SEMA4C: variants seen among roughly 807,000 people sequenced by gnomAD.
SEMA4C encodes the protein semaphorin 4C.
Under a neutral mutation model 89.0 loss-of-function variants are expected in SEMA4C, and 19 were observed. That is an observed-to-expected ratio of 0.21 (90% CI 0.15 to 0.31). The LOEUF (loss-of-function observed/expected upper bound fraction) is 0.31, where lower values mean the gene tolerates loss of function less well. Among genes scored for constraint, SEMA4C ranks in the 10% least tolerant of loss-of-function variants. The probability of loss-of-function intolerance (pLI) is 1.00; values close to 1 mark genes in which losing one functional copy is unlikely to be tolerated. For synonymous variants in SEMA4C, 428 were observed against 472.7 expected (o/e 0.91, Z 1.23); for missense variants, 811 against 1,107.0 (o/e 0.73, Z 3.79).
intron 1 of SEMA4C, chr2:96,869,411 G>A: frequency 1.0e-6 from 1 of 985,152 alleles, no homozygotes; most frequent in Non-Finnish European, 1.2e-6. Flanking sequence ...GGGACGGCGC[G>A]GCCCGGCTCG....
At chr2:96,870,590 C>T (rs947342984), upstream of SEMA4C, 21 of 985,400 alleles carry the variant, frequency 2.1e-5, no homozygotes, top group Non-Finnish European at 2.5e-5. Flanking sequence ...GCCCCGAGGA[C>T]CACTGGTCCC....
intron 5 of SEMA4C, 37 bp downstream of exon 5, chr2:96,865,629 G>T: frequency 1.2e-6 from 2 of 1,604,078 alleles, no homozygotes; most frequent in South Asian, 1.1e-5. Flanking sequence ...AGGAGGGCGG[G>T]GGGCTGGGGA....
In SEMA4C at chr2:96,864,520, C is replaced by T. The variant is rs1466009518; in HGVS notation, c.963-138G>A. On this transcript the variant is annotated intron_variant, in intron 9 of 14. Coordinates refer to ENST00000305476, the MANE Select transcript of SEMA4C (RefSeq NM_017789.5). The surrounding 1 kb of genome is among the most constrained non-coding windows in gnomAD (Gnocchi z 6.3). ...GAATGCCCTGGCAGCTCAAGTGCCA[C>T]CTGGCATGGGGCCCTGCCCCTTCAC... 2.1e-6 allele frequency: 3 copies of T among 1,416,806 alleles called. No homozygotes were observed. The highest frequency in any genetic ancestry group is 2.8e-5 in the African/African-American group (2 of 70,856). The allele number at this position is 1,416,806 out of a possible 1,614,324, so 87.8% of individuals were successfully genotyped here.
Position 96,864,799 on chromosome 2 carries a change from A to C in SEMA4C, c.868T>G (p.Trp290Gly), listed in dbSNP as rs769440981. 1.2e-6 allele frequency: 2 copies of C among 1,613,898 alleles called. No homozygotes were observed. The highest frequency in any genetic ancestry group is 2.2e-5 in the East Asian group (1 of 44,868). The change falls in exon 9 of 15, where the codon TGG becomes GGG. Residue 290 changes from tryptophan (W) to glycine (G), a missense_variant. Physicochemically the swap from Trp to Gly is radical, Grantham distance 184. Transcript: ENST00000305476. The surrounding 1 kb of genome is among the most constrained non-coding windows in gnomAD (Gnocchi z 6.3). ...KARLACSAPN[W>G]QLYFNQLQAM... ...TGCAGCTGGTTGAAGTAGAGCTGCC[A>C]GTTCGGGGCAGAGCATGCCAGCCGC...
Position 96,860,989 on chromosome 2 carries a change from C to T in SEMA4C, c.2139G>A (p.Lys713=), listed in dbSNP as rs2079928690. Residue 713 remains lysine, a synonymous_variant, in exon 15 of 15, where the codon AAG becomes AAA. Coordinates refer to ENST00000305476, the MANE Select transcript of SEMA4C (RefSeq NM_017789.5). ...GCCGGAAGGGGGGACTGGTGGGCTC[C>T]TTGGGCAGCTCCAGGGGGTACACCA... is the stretch of plus-strand genomic sequence containing the variant. The part of the protein sequence containing the change: ...RTLVYPLELP[K]EPTSPPFRPC... 3.7e-6 allele frequency: 6 copies of T among 1,612,848 alleles called. No individual in the cohort carries two copies. The African/African-American group carries it at 6.7e-5, about 18-fold the overall frequency.
At chr2:96,870,184 AC>A (rs2080173509), upstream of SEMA4C, 2 of 984,072 alleles carry the variant, frequency 2.0e-6, no homozygotes, top group Non-Finnish European at 2.4e-6. Context: ...GGGGGCTGCG[AC>A]CCGCAGCGAC....
rs181709587 is a variant in SEMA4C, at chr2:96,860,816, G to A, written c.2312C>T (p.Pro771Leu). Residue 771 changes from proline (P) to leucine (L), a missense_variant, in exon 15 of 15, where the codon CCT becomes CTT. By Grantham distance (98) the Pro-to-Leu change is moderately conservative (BLOSUM62 -3). Around this residue, in one of 4 missense-constraint regions of SEMA4C, gnomAD observed 248 missense variants for 269.0 expected, o/e 0.92. Transcript: ENST00000305476. Reference sequence around the variant, plus strand: ...CCCCAGGTGAAGCCGAGTTGGAGAAGGCAGAGGCTGGCCTGGGATGCCTGG... The same window carrying A: ...CCCCAGGTGAAGCCGAGTTGGAGAAAGCAGAGGCTGGCCTGGGATGCCTGG... ...PPPGIPGQPL[P>L]SPTRLHLGGG... The A allele has an allele frequency of 3.1e-6, 5 of 1,613,584 alleles. No individual in the cohort carries two copies. Among genetic ancestry groups the A allele is most frequent in the Non-Finnish European group, 4.2e-6 (5 of 1,180,002 alleles).
chr2:96,861,998 G>T lies in SEMA4C; in HGVS notation c.1444-104C>A. The stretch of plus-strand genomic sequence containing the variant: ...TGGGGACAGCTTGGACTCCTGCAGG[G>T]GGCACAGCACGGGGCGCCAGAAGGA... On this transcript the variant is annotated intron_variant, in intron 12 of 14. Coordinates refer to ENST00000305476, the MANE Select transcript of SEMA4C (RefSeq NM_017789.5). The surrounding 1 kb of genome is among the most constrained non-coding windows in gnomAD (Gnocchi z 7.8). 1 of 1,274,994 alleles carries T rather than the reference G, an allele frequency of 7.8e-7. No homozygotes were observed. The highest frequency in any genetic ancestry group is 1.1e-6 in the Non-Finnish European group (1 of 926,036). 79.0% of individuals were successfully genotyped at this position (1,274,994 alleles called of 1,614,324 possible).
At position 96,863,247 on chromosome 2, in the gene SEMA4C, T is replaced by C. The variant is rs902735680; in HGVS notation, c.1443+435A>G. Reference sequence around the variant, plus strand: ...AAAAGAGTATTGCACAAGGGTATAATGCAAGCACTTCAGGGAAACAGTCAC... The same window carrying C: ...AAAAGAGTATTGCACAAGGGTATAACGCAAGCACTTCAGGGAAACAGTCAC... On this transcript the variant is annotated intron_variant, in intron 12 of 14. Coordinates refer to ENST00000305476, the MANE Select transcript of SEMA4C (RefSeq NM_017789.5). 2.7e-5 allele frequency: 27 copies of C among 1,010,060 alleles called. No individual in the cohort carries two copies. In the Admixed American group the frequency reaches 1.1e-3, roughly 43 times the overall value. The allele number at this position is 1,010,060 out of a possible 1,614,324, so 62.6% of individuals were successfully genotyped here.
upstream of SEMA4C, chr2:96,870,469 C>A: frequency 1.1e-6 from 1 of 939,948 alleles, no homozygotes; most frequent in Non-Finnish European, 1.3e-6. Context: ...CGACCGCGGG[C>A]GAGCCACGTC....
chr2:96,867,833 G>A lies in SEMA4C; in HGVS notation c.54C>T (p.Gly18=), dbSNP rs1450249450. 1.2e-6 allele frequency: 2 copies of A among 1,613,630 alleles called. No individual in the cohort carries two copies. The change falls in exon 2 of 15, where the codon GGC becomes GGT. Residue 18 remains glycine (G), a synonymous_variant. Transcript: ENST00000305476. ...GGTTCCACCACACCTCAGCCCCAAT[G>A]CCCAGGCCCCACAGCCTTGCTGCCA... ...WLLAARLWGL[G]IGAEVWWNLV...
chr2:96,869,780 C>T, intron 1 of SEMA4C, 96 bp downstream of exon 1: 2 of 984,348 alleles, frequency 2.0e-6, no homozygotes, highest in Non-Finnish European at 2.4e-6. Flanking sequence ...AGCCCCTGTC[C>T]CTCCCGCGTC....
Position 96,864,934 on chromosome 2 carries a change from C to G in SEMA4C, c.786+30G>C, listed in dbSNP as rs1227612441. ...TCAGCCCCGCTGGGCCAGCAGGGCT[C>G]CCAGGGCCCACCGCTGTGAGACTCG... On this transcript the variant is annotated intron_variant, in intron 8 of 14. Coordinates refer to ENST00000305476, the MANE Select transcript of SEMA4C (RefSeq NM_017789.5). The surrounding 1 kb of genome is among the most constrained non-coding windows in gnomAD (Gnocchi z 6.3). The G allele has an allele frequency of 6.2e-7, 1 of 1,607,256 alleles. No individual in the cohort carries two copies.
chr2:96,864,158 G>A lies in SEMA4C; in HGVS notation c.1108-10C>T. 1 of 1,612,898 alleles carries A rather than the reference G, an allele frequency of 6.2e-7. No homozygotes were observed. Among genetic ancestry groups the A allele is most frequent in the Non-Finnish European group, 8.5e-7 (1 of 1,179,934 alleles). On this transcript the variant is annotated splice_polypyrimidine_tract_variant and intron_variant, in intron 10 of 14. Coordinates refer to ENST00000305476, the MANE Select transcript of SEMA4C (RefSeq NM_017789.5). This position sits in a 1 kb window ranked among gnomAD's most constrained non-coding sequence, Gnocchi z 6.3. ...GCCAGTTGTTAATGCACTGGGGGCA[G>A]GGTGTGGGGGGCAGGCCATCAGCAG...
intron 2 of SEMA4C, among the ~76,000 whole-genome samples, chr2:96,867,431 T>C (rs892286012): frequency 6.6e-6 from 1 of 152,016 alleles, no homozygotes; most frequent in Non-Finnish European, 1.5e-5. Flanking sequence ...TAGGAGGTCT[T>C]AGGGGGGCCT....
At position 96,864,761 on chromosome 2, in the gene SEMA4C, G is replaced by T; in HGVS notation, c.906C>A (p.Thr302=). The T allele has an allele frequency of 6.2e-7, 1 of 1,613,918 alleles. No homozygotes were observed. The highest frequency in any genetic ancestry group is 8.5e-7 in the Non-Finnish European group (1 of 1,179,954). The part of the protein sequence containing the change: ...LYFNQLQAMH[T]LQDTSWHNTT... ...TGTTGTGCCAGGAGGTGTCCTGCAG[G>T]GTGTGCATCGCCTGCAGCTGGTTGA... is the stretch of plus-strand genomic sequence containing the variant. Residue 302 remains threonine, a synonymous_variant, in exon 9 of 15, where the codon ACC becomes ACA. Coordinates refer to ENST00000305476, the MANE Select transcript of SEMA4C (RefSeq NM_017789.5). The surrounding 1 kb of genome is among the most constrained non-coding windows in gnomAD (Gnocchi z 6.3).
intron 1 of SEMA4C, 115 bp from the exon 2 acceptor site, chr2:96,868,038 C>A: frequency 7.3e-7 from 1 of 1,363,738 alleles, no homozygotes; most frequent in South Asian, 1.4e-5. Context: ...CCCCGGTGCC[C>A]TCCTTCCCCT....
At chr2:96,863,841 T>C (rs2080008101) in intron 11 of SEMA4C, 47 bp from the exon 12 acceptor site, 1 of 1,603,732 alleles carries the variant, frequency 6.2e-7, no homozygotes, top group Admixed American at 1.7e-5. Flanking sequence ...CACAAGGCCG[T>C]GGGGCAGCTC....
At chr2:96,868,174 C>T (rs1055868229) in intron 1 of SEMA4C, among the ~76,000 whole-genome samples, 3 of 152,326 alleles carry the variant, frequency 2.0e-5, no homozygotes, top group Non-Finnish European at 2.9e-5. Flanking sequence ...CCCTCCCTGG[C>T]CTCCAGACCC....
Sources: gnomAD v4.1 joint callset for allele counts (sites outside exome capture counted in the v4.1 genomes callset) on GRCh38, gnomAD v4.1.1 for gene constraint, gnomAD v4.1.1 regional missense constraint, Gnocchi (gnomAD v3.1) non-coding constraint, MANE v1.5 for transcripts, NCBI Gene and HGNC (gene_info 2026-07-23, HGNC 2026-07-21) for gene names.